The following ENPP2 variants were observed in gnomAD, a reference collection of about 807,000 sequenced individuals.
ENPP2 encodes autotaxin.
Under a neutral mutation model 120.2 loss-of-function variants are expected in ENPP2, and 51 were observed. The ratio of observed to expected loss-of-function variants is 0.42; its 90% confidence interval spans 0.34 to 0.54. ENPP2 has a LOEUF of 0.54. Among genes scored for constraint, ENPP2 ranks in the 20% least tolerant of loss-of-function variants. The pLI is 0.04. For missense variants in ENPP2, 920 were observed against 1,066.5 expected (o/e 0.86, Z 1.91); for synonymous variants, 365 against 366.4 (o/e 1.00, Z 0.04).
At chr8:119,638,855 G>T (rs533503133), upstream of ENPP2, 16 of 1,606,656 alleles carry the variant, frequency 1.0e-5, no homozygotes, top group East Asian at 3.1e-4. Flanking sequence ...GAGGCTCTGG[G>T]TTTAGTCTAT....
chr8:119,654,964 C>T (rs1191586288), intron 1 of ENPP2, among the ~76,000 whole-genome samples: 1 of 152,150 alleles, frequency 6.6e-6, no homozygotes, highest in African/African-American at 2.4e-5. Context: ...TTTGGTCTTA[C>T]TTTTTCCTGG....
At chr8:119,606,328 A>G (rs982877871) in intron 9 of ENPP2, among the ~76,000 whole-genome samples, 1 of 152,226 alleles carries the variant, frequency 6.6e-6, no homozygotes, top group Non-Finnish European at 1.5e-5. Context: ...GAAAATTGCC[A>G]TTCAAAACCA....
intron 2 of ENPP2, among the ~76,000 whole-genome samples, chr8:119,635,297 C>G (rs1054769957): frequency 2.0e-5 from 3 of 152,218 alleles, no homozygotes; most frequent in Non-Finnish European, 4.4e-5. Flanking sequence ...TTTCAAGCCA[C>G]TAAAAACAAT....
intron 1 of ENPP2, among the ~76,000 whole-genome samples, chr8:119,668,283 G>A (rs958455701): frequency 2.6e-5 from 4 of 151,934 alleles, no homozygotes; most frequent in African/African-American, 7.3e-5. Context: ...AATAATAATA[G>A]CCAATACAGT....
At chr8:119,667,239 G>T (rs1343034278) in intron 1 of ENPP2, among the ~76,000 whole-genome samples, 1 of 152,156 alleles carries the variant, frequency 6.6e-6, no homozygotes, top group Non-Finnish European at 1.5e-5. Context: ...GGGTTGAAAA[G>T]AAATGTCAAT....
chr8:119,602,157 T>TA (rs1463146952), intron 9 of ENPP2, among the ~76,000 whole-genome samples: 4 of 152,102 alleles, frequency 2.6e-5, no homozygotes. Context: ...TCCAGCCCTG[T>TA]AAAAATCTAC....
chr8:119,662,819 C>A (rs566374233), intron 1 of ENPP2, among the ~76,000 whole-genome samples: 1 of 152,064 alleles, frequency 6.6e-6, no homozygotes, highest in Admixed American at 6.6e-5. Flanking sequence ...TCATTGAAAA[C>A]GGGTAGTATA....
rs546899794 is a variant in ENPP2 at position 119,636,157 on chromosome 8, G to C, written c.136+2268C>G. Among the ~76,000 whole-genome samples, 5 of 152,252 alleles carry C rather than the reference G, an allele frequency of 3.3e-5. No individual in the cohort carries two copies. The South Asian group carries it at 1.0e-3, about 32-fold the overall frequency. ...CCCCACCTAGTGTCTTATTCTTACA[G>C]GCTTATAAAATTCACCCAGTATTTT... On this transcript the variant is annotated intron_variant, in intron 2 of 24. Transcript: ENST00000075322.
chr8:119,600,560 G>T, intron 11 of ENPP2, 118 bp downstream of exon 11: 92 of 619,104 alleles, frequency 1.5e-4, no homozygotes, highest in Middle Eastern at 2.7e-4. Flanking sequence ...ATTTGACTTT[G>T]CATAAACCTT....
At position 119,601,159 on chromosome 8, in the gene ENPP2, T is replaced by C. The variant is rs140725450; in HGVS notation, c.899+238A>G. 3.9e-4 allele frequency among the ~76,000 whole-genome samples: 59 copies of C among 152,342 alleles called. 1 individual carries two copies. Among genetic ancestry groups the C allele is most frequent in the African/African-American group, 1.4e-3 (58 of 41,574 alleles). On this transcript the variant is annotated intron_variant, in intron 10 of 24. Coordinates refer to ENST00000075322, the MANE Select transcript of ENPP2 (RefSeq NM_001040092.3). ...TGGTTCATTTATCAAAGCCAGAAACTCCCTTCGGCTCTGCTGTAGTGGACA... is the reference window on the plus strand; with the variant it reads ...TGGTTCATTTATCAAAGCCAGAAACCCCCTTCGGCTCTGCTGTAGTGGACA...
In ENPP2 at chr8:119,564,697, T is replaced by C. The variant is rs140020426; in HGVS notation, c.2264+126A>G. ...CGTCTCAAAAAAATATATATATATA[T>C]ATATTGAAAAATTCAAAAAACTTAA... is the stretch of plus-strand genomic sequence containing the variant. On this transcript the variant is annotated intron_variant, in intron 23 of 24. Coordinates refer to ENST00000075322, the MANE Select transcript of ENPP2 (RefSeq NM_001040092.3). 1.2e-4 allele frequency: 47 copies of C among 407,968 alleles called. 1 individual carries two copies. The East Asian group carries it at 2.0e-3, about 18-fold the overall frequency. 25.3% of individuals were successfully genotyped at this position (407,968 alleles called of 1,614,324 possible).
At position 119,569,311 on chromosome 8, in the gene ENPP2, A is replaced by C; in HGVS notation, c.1977T>G (p.Val659=). The C allele has an allele frequency of 6.2e-7, 1 of 1,614,082 alleles. No homozygotes were observed. The highest frequency in any genetic ancestry group is 8.5e-7 in the Non-Finnish European group (1 of 1,180,004). The change falls in exon 21 of 25, where the codon GTT becomes GTG. Residue 659 remains valine, a synonymous_variant. Coordinates refer to ENST00000075322, the MANE Select transcript of ENPP2 (RefSeq NM_001040092.3). ...AACAGTTCTGACTGAAACTCGGAGA[A>C]ACACGGACATCAGGCCGGACGCAAC... The part of the protein sequence containing the change: ...LTSCVRPDVR[V]SPSFSQNCLA...
Position 119,615,125 on chromosome 8 carries a change from G to A in ENPP2, c.777+1140C>T, listed in dbSNP as rs112051865. On this transcript the variant is annotated intron_variant, in intron 8 of 24. Coordinates refer to ENST00000075322, the MANE Select transcript of ENPP2 (RefSeq NM_001040092.3). ...GTCCTTATTTTGTCCATAAATTGCA[G>A]CAAAAGATTTCCAGGTACAAGATCA... Among the ~76,000 whole-genome samples the A allele has an allele frequency of 1.7e-4, 26 of 152,172 alleles. 1 individual carries two copies. Among genetic ancestry groups the A allele is most frequent in the African/African-American group, 6.0e-4 (25 of 41,518 alleles).
intron 22 of ENPP2, among the ~76,000 whole-genome samples, chr8:119,565,396 A>T (rs535258342): frequency 1.8e-3 from 269 of 152,174 alleles, no homozygotes; most frequent in Non-Finnish European, 3.3e-3. Flanking sequence ...TTTAAGCTTT[A>T]CCCCTGACCT....
intron 2 of ENPP2, among the ~76,000 whole-genome samples, chr8:119,629,350 C>T (rs1816499906): frequency 6.6e-6 from 1 of 152,062 alleles, no homozygotes; most frequent in African/African-American, 2.4e-5. Context: ...TTCTTATTTA[C>T]ATGCTTATGA....
rs755542454 is a variant in ENPP2 at position 119,617,490 on chromosome 8, C to T, written c.553G>A (p.Val185Ile). The T allele has an allele frequency of 3.7e-6, 6 of 1,612,330 alleles. No individual in the cohort carries two copies. The highest frequency in any genetic ancestry group is 2.2e-5 in the East Asian group (1 of 44,760). The part of the protein sequence containing the change: ...RASYMKKGSK[V>I]MPNIEKLRSC... ...CTTAGTTTTTCAATATTAGGCATGA[C>T]TTTGCTGCCTTTCTTCATGTATGAT... is the stretch of plus-strand genomic sequence containing the variant. The change falls in exon 6 of 25, where the codon GTC (valine) becomes ATC (isoleucine). Residue 185 changes from valine to isoleucine, a missense_variant. Physicochemically the swap from Val to Ile is conservative, Grantham distance 29 (BLOSUM62 3). Coordinates refer to ENST00000075322, the MANE Select transcript of ENPP2 (RefSeq NM_001040092.3).
chr8:119,565,268 C>T (rs1172075720), intron 22 of ENPP2, among the ~76,000 whole-genome samples: 3 of 152,056 alleles, frequency 2.0e-5, no homozygotes, highest in East Asian at 1.9e-4. Flanking sequence ...AGGCAGAACA[C>T]GCCAGGCAGA....
rs754642296 is a variant in ENPP2 at position 119,621,452 on chromosome 8, G to A, written c.360C>T (p.Cys120=). ...CTCCCCTGGCCAAGCAGTCCTCTGA[G>A]CAGTGACAGGCATTTTCTTCATTTC... ...EVRNEENACH[C]SEDCLARGDC... Residue 120 remains cysteine, a synonymous_variant, in exon 4 of 25, where the codon TGC becomes TGT. Coordinates refer to ENST00000075322, the MANE Select transcript of ENPP2 (RefSeq NM_001040092.3). 5 of 1,613,386 alleles carry A rather than the reference G, an allele frequency of 3.1e-6. No individual in the cohort carries two copies. The highest frequency in any genetic ancestry group is 1.7e-5 in the Admixed American group (1 of 60,014).
chr8:119,607,464 A>G lies in ENPP2; in HGVS notation c.833+458T>C, dbSNP rs546759051. Among the ~76,000 whole-genome samples, 30 of 152,276 alleles carry G rather than the reference A, an allele frequency of 2.0e-4. No homozygotes were observed. The East Asian group carries it at 5.4e-3, about 27-fold the overall frequency. ...ACAGAGGCGGGAGGATCACAAGGTCAGGAGTTTGAGACCAGCCTCGCAAAC... is the reference window on the plus strand; with the variant it reads ...ACAGAGGCGGGAGGATCACAAGGTCGGGAGTTTGAGACCAGCCTCGCAAAC... On this transcript the variant is annotated intron_variant, in intron 9 of 24. Transcript: ENST00000075322.
Sources: allele counts gnomAD v4.1 joint callset (sites outside exome capture counted in the v4.1 genomes callset), GRCh38; gene constraint gnomAD v4.1.1; transcripts MANE v1.5; gene names NCBI Gene and HGNC (gene_info 2026-07-23, HGNC 2026-07-21).